NSG1: variants seen among roughly 807,000 people sequenced by gnomAD.
NSG1 encodes neuronal vesicle trafficking associated 1.
NSG1 carries 9 observed loss-of-function variants against 19.3 expected under a neutral mutation model. That is an observed-to-expected ratio of 0.47 (90% CI 0.28 to 0.81). The LOEUF is 0.81. Ranked by LOEUF, NSG1 falls within the 40% of genes least tolerant of loss-of-function variation. The probability of loss-of-function intolerance (pLI) is 0.11; values close to 1 mark genes in which losing one functional copy is unlikely to be tolerated. For synonymous variants in NSG1, 104 were observed against 107.0 expected, an observed-to-expected ratio of 0.97 and a Z score of 0.17; for missense variants, 236 against 242.4, an observed-to-expected ratio of 0.97 and a Z score of 0.18.
At chr4:4,392,374 G>C (rs1238520337) in intron 3 of NSG1, among the ~76,000 whole-genome samples, 1 of 152,188 alleles carries the variant, frequency 6.6e-6, no homozygotes, top group Non-Finnish European at 1.5e-5. Context: ...GAGGTGAATT[G>C]AGAGACATCA....
Position 4,416,216 on chromosome 4 carries a change from C to T in NSG1, c.358-1019C>T, listed in dbSNP as rs954646646. ...ACGTGAACTCAGCTGGTACGGTGGG[C>T]CTGGCTCCAAAGCTTCCCTTCTCCT... On this transcript the variant is annotated intron_variant, in intron 4 of 4. Transcript: ENST00000621129. The T allele has an allele frequency of 7.1e-6, 5 of 702,156 alleles. No homozygotes were observed. The African/African-American group carries it at 8.7e-5, about 12-fold the overall frequency. 43.5% of individuals were successfully genotyped at this position (702,156 alleles called of 1,614,324 possible).
At chr4:4,402,047 ATTTTTTTTTTTT>A (rs35299425) in intron 3 of NSG1, among the ~76,000 whole-genome samples, 1 of 122,310 alleles carries the variant, frequency 8.2e-6, no homozygotes, top group African/African-American at 3.1e-5. Context: ...TGCCCAGCTA[ATTTTTTTTTTTT>A]TTTTTTTTTG....
In NSG1 at chr4:4,391,607, C is replaced by T. The variant is rs760978688; in HGVS notation, c.246+16C>T. 1.3e-6 allele frequency: 2 copies of T among 1,534,510 alleles called. No individual in the cohort carries two copies. Among genetic ancestry groups the T allele is most frequent in the South Asian group, 1.1e-5 (1 of 87,284 alleles). The stretch of plus-strand genomic sequence containing the variant: ...GAGGTTTAAGGTGAGTGGTCCTGTG[C>T]TGGGTGAGATGCTGCTTTTGCCCCC... On this transcript the variant is annotated intron_variant, in intron 3 of 4. Transcript: ENST00000621129.
At chr4:4,409,455 G>A (rs1054149235) in intron 3 of NSG1, 118 bp from the exon 4 acceptor site, 3 of 754,756 alleles carry the variant, frequency 4.0e-6, no homozygotes, top group South Asian at 3.1e-5. Flanking sequence ...CCCTTACCAG[G>A]TTCTTCCAGA....
At chr4:4,401,969 C>G (rs561945315) in intron 3 of NSG1, among the ~76,000 whole-genome samples, 1 of 151,700 alleles carries the variant, frequency 6.6e-6, no homozygotes, top group Non-Finnish European at 1.5e-5. Context: ...CAGCCTCAAA[C>G]TCCCAGGCTG....
At chr4:4,410,454 A>G (rs1330528909) in intron 4 of NSG1, among the ~76,000 whole-genome samples, 1 of 152,152 alleles carries the variant, frequency 6.6e-6, no homozygotes, top group Non-Finnish European at 1.5e-5. Flanking sequence ...AGTGTCCTGT[A>G]CACCCACGCG....
At chr4:4,389,373 G>A (rs767936745) in intron 2 of NSG1, among the ~76,000 whole-genome samples, 4 of 152,314 alleles carry the variant, frequency 2.6e-5, no homozygotes, top group Admixed American at 6.5e-5. Context: ...TGCTCTTCTC[G>A]GGTCCAGCCA....
chr4:4,417,300 G>A lies in NSG1; in HGVS notation c.423G>A (p.Glu141=), dbSNP rs760670695. The change falls in exon 5 of 5, where the codon GAG becomes GAA. Residue 141 remains glutamate, a synonymous_variant. Transcript: ENST00000621129. ...YYAEQDSSAR[E]KFYTVINHYN... ...CGGAGCAAGACTCCAGTGCCCGGGA[G>A]AAATTTTACACAGTCATAAACCACT... 9.3e-6 allele frequency: 15 copies of A among 1,614,050 alleles called. No homozygotes were observed. The African/African-American group carries it at 2.0e-4, about 22-fold the overall frequency.
Position 4,418,041 on chromosome 4 carries a change from C to T in NSG1, c.*606C>T, listed in dbSNP as rs1289053970. On this transcript the variant is annotated 3_prime_UTR_variant, in exon 5 of 5. Transcript: ENST00000621129. ...CAGGCTCGGTGTGGATTGACTACTC[C>T]CTCCCCTCTGACTCTGGCATCTTGG... is the stretch of plus-strand genomic sequence containing the variant. 1 of 155,636 alleles carries T rather than the reference C, an allele frequency of 6.4e-6. No homozygotes were observed. Among genetic ancestry groups the T allele is most frequent in the Non-Finnish European group, 1.4e-5 (1 of 70,512 alleles). The allele number at this position is 155,636 out of a possible 1,614,324, so 9.6% of individuals were successfully genotyped here.
At chr4:4,413,563 G>A (rs34332610) in intron 4 of NSG1, among the ~76,000 whole-genome samples, 1 of 151,174 alleles carries the variant, frequency 6.6e-6, no homozygotes, top group African/African-American at 2.4e-5. Flanking sequence ...GTTTGTGATG[G>A]TAGAGGAGCA....
intron 3 of NSG1, among the ~76,000 whole-genome samples, chr4:4,409,292 C>T (rs1724038466): frequency 6.6e-6 from 1 of 152,264 alleles, no homozygotes; most frequent in African/African-American, 2.4e-5. Flanking sequence ...GGGGCTTCTT[C>T]ATATCTGTAC....
rs1366817323 is a variant in NSG1, at chr4:4,417,508, A to G, written c.*73A>G. 1 of 1,331,956 alleles carries G rather than the reference A, an allele frequency of 7.5e-7. No individual in the cohort carries two copies. The highest frequency in any genetic ancestry group is 1.1e-6 in the Non-Finnish European group (1 of 933,410). The allele number at this position is 1,331,956 out of a possible 1,614,324, so 82.5% of individuals were successfully genotyped here. On this transcript the variant is annotated 3_prime_UTR_variant, in exon 5 of 5. Transcript: ENST00000621129. ...GACTTTGAGGGACATTTCATTAAAT[A>G]TAATTACTGATACTTTAGAGGTTAC...
chr4:4,399,623 T>C (rs1723444302), intron 3 of NSG1, among the ~76,000 whole-genome samples: 1 of 152,256 alleles, frequency 6.6e-6, no homozygotes, highest in Non-Finnish European at 1.5e-5. Context: ...AAATCTTACA[T>C]TTTTGGTGAA....
intron 3 of NSG1, among the ~76,000 whole-genome samples, chr4:4,392,252 G>C (rs2108725802): frequency 6.6e-6 from 1 of 152,244 alleles, no homozygotes; most frequent in East Asian, 1.9e-4. Context: ...CAGCCTGGCT[G>C]CCTTCAGAGG....
At chr4:4,393,367 T>A (rs1389078312) in intron 3 of NSG1, among the ~76,000 whole-genome samples, 1 of 152,228 alleles carries the variant, frequency 6.6e-6, no homozygotes, top group Non-Finnish European at 1.5e-5. Flanking sequence ...CCAGGTCTCT[T>A]GCCTAAGGAA....
intron 3 of NSG1, among the ~76,000 whole-genome samples, chr4:4,394,545 C>T (rs773261313): frequency 9.9e-5 from 15 of 152,112 alleles, no homozygotes; most frequent in Admixed American, 3.3e-4. Context: ...TAGGCCCCCT[C>T]GACCTGAACT....
chr4:4,387,656 A>T lies in NSG1; in HGVS notation c.27A>T (p.Ala9=). The part of the protein sequence containing the change: MVKLGNNF[A]EKGTKQPLLE... ...TGGTGAAGTTGGGGAACAATTTCGC[A>T]GAGAAGGGCACCAAGCAGCCGCTGC... The change falls in exon 2 of 5, where the codon GCA becomes GCT. Residue 9 remains alanine, a synonymous_variant. Transcript: ENST00000621129. The T allele has an allele frequency of 6.2e-7, 1 of 1,612,950 alleles. No individual in the cohort carries two copies. The highest frequency in any genetic ancestry group is 8.5e-7 in the Non-Finnish European group (1 of 1,179,548).
At chr4:4,402,371 A>ATTTTTTTGTTTTTT (rs1723598461) in intron 3 of NSG1, among the ~76,000 whole-genome samples, 1 of 53,912 alleles carries the variant, frequency 1.9e-5, no homozygotes, top group African/African-American at 6.1e-5. Flanking sequence ...ACGCCTGGTT[A>ATTTTTTTGTTTTTT]TTTTTTTTTT....
At chr4:4,398,451 C>T (rs1055326277) in intron 3 of NSG1, among the ~76,000 whole-genome samples, 1 of 152,108 alleles carries the variant, frequency 6.6e-6, no homozygotes, top group African/African-American at 2.4e-5. Context: ...CCATGCCCCC[C>T]CCCACAGCCC....
Sources: gnomAD v4.1 joint callset for allele counts (sites outside exome capture counted in the v4.1 genomes callset) on GRCh38, gnomAD v4.1.1 for gene constraint, MANE v1.5 for transcripts, NCBI Gene and HGNC (gene_info 2026-07-23, HGNC 2026-07-21) for gene names.